LRRC37A2: variants seen among roughly 807,000 people sequenced by gnomAD.
The protein encoded by LRRC37A2 is leucine rich repeat containing 37 member A2.
LRRC37A2 carries 9 observed loss-of-function variants against 68.8 expected under a neutral mutation model. That is an observed-to-expected ratio of 0.13 (90% confidence interval 0.08 to 0.23). The LOEUF (loss-of-function observed/expected upper bound fraction) is 0.23, where lower values mean the gene tolerates loss of function less well. Among genes scored for constraint, LRRC37A2 ranks in the 10% least tolerant of loss-of-function variants. LRRC37A2 has a pLI of 1.00. For synonymous variants in LRRC37A2, 63 were observed against 367.6 expected, an observed-to-expected ratio of 0.17 and a Z score of 9.48; for missense variants, 168 against 950.4, an observed-to-expected ratio of 0.18 and a Z score of 10.82.
At chr17:46,496,619 AAC>A in the LRRC37A2 span, among the ~76,000 whole-genome samples, 2 of 87,826 alleles carry the variant, frequency 2.3e-5, no homozygotes, top group African/African-American at 3.6e-5. Flanking sequence ...AAAAAAAAAA[AAC>A]AAAACAAAAC....
chr17:46,807,067 C>T, the LRRC37A2 span, among the ~76,000 whole-genome samples: 3 of 152,114 alleles, frequency 2.0e-5, no homozygotes, highest in African/African-American at 7.2e-5. Flanking sequence ...GAGAGACAGT[C>T]CCTAGAGGAA....
chr17:46,778,242 C>T, the LRRC37A2 span, among the ~76,000 whole-genome samples: 2 of 152,200 alleles, frequency 1.3e-5, no homozygotes, highest in Admixed American at 6.5e-5. Flanking sequence ...CTATCCAACA[C>T]TGGAAAGGAT....
chr17:46,662,139 A>G, the LRRC37A2 span, among the ~76,000 whole-genome samples: 10 of 12,148 alleles, frequency 8.2e-4, no homozygotes, highest in South Asian at 2.5e-3. Flanking sequence ...CACCGTGCCT[A>G]GCCTTTTGTA....
chr17:47,018,558 C>T, the LRRC37A2 span: 3 of 1,520,164 alleles, frequency 2.0e-6, no homozygotes, highest in East Asian at 4.5e-5. Flanking sequence ...CACCATCCAG[C>T]ACGGGGGCCC....
chr17:46,990,002 G>T, the LRRC37A2 span, among the ~76,000 whole-genome samples: 6 of 152,198 alleles, frequency 3.9e-5, no homozygotes, highest in South Asian at 1.2e-3. Flanking sequence ...CCGTTTTGGG[G>T]TTGTTACACC....
At chr17:46,856,702 T>C in the LRRC37A2 span, among the ~76,000 whole-genome samples, 1 of 150,808 alleles carries the variant, frequency 6.6e-6, no homozygotes, top group African/African-American at 2.5e-5. Context: ...CAAGCAGGTC[T>C]CAAACTCCTG....
the LRRC37A2 span, among the ~76,000 whole-genome samples, chr17:46,819,157 C>T: frequency 6.6e-6 from 1 of 152,146 alleles, no homozygotes; most frequent in Non-Finnish European, 1.5e-5. This position sits in a 1 kb window ranked among gnomAD's most constrained non-coding sequence, Gnocchi z 5.3. Context: ...AAGCCCCGCT[C>T]GGGCAGGTCA....
At chr17:46,541,605 A>G (rs2055333700) in intron 8 of LRRC37A2, among the ~76,000 whole-genome samples, 2 of 150,858 alleles carry the variant, frequency 1.3e-5, no homozygotes, top group Non-Finnish European at 2.9e-5. Flanking sequence ...TGTTGCACCT[A>G]TCACTACAGC....
chr17:46,895,054 G>A, the LRRC37A2 span, among the ~76,000 whole-genome samples: 15 of 152,316 alleles, frequency 9.8e-5, no homozygotes, highest in Admixed American at 7.8e-4. Context: ...CAGACAGGCT[G>A]GATCCCACCT....
chr17:46,532,227 A>C (rs1489721259), intron 6 of LRRC37A2, among the ~76,000 whole-genome samples: 2 of 148,406 alleles, frequency 1.3e-5, no homozygotes, highest in Non-Finnish European at 3.0e-5. Context: ...CACTCAAAAA[A>C]ACAACAATTG....
chr17:46,784,914 T>C, the LRRC37A2 span, among the ~76,000 whole-genome samples: 2 of 152,066 alleles, frequency 1.3e-5, no homozygotes, highest in Admixed American at 6.5e-5. Flanking sequence ...TAGCTGGGAC[T>C]ACAGGCACCC....
chr17:46,833,480 C>T, the LRRC37A2 span: 1 of 480,786 alleles, frequency 2.1e-6, no homozygotes, highest in Non-Finnish European at 4.1e-6. Flanking sequence ...CCCACCCCGA[C>T]TCCCCATCTG....
At chr17:46,931,038 CA>C in the LRRC37A2 span, 1 of 911,558 alleles carries the variant, frequency 1.1e-6, no homozygotes, top group Non-Finnish European at 1.8e-6. Context: ...TGTGATTTAT[CA>C]TTGTAATTTA....
the LRRC37A2 span, among the ~76,000 whole-genome samples, chr17:46,770,626 C>A: frequency 6.6e-6 from 1 of 152,184 alleles, no homozygotes; most frequent in Admixed American, 6.5e-5. Context: ...TCCTAGAGCC[C>A]CTCACCAGGA....
the LRRC37A2 span, among the ~76,000 whole-genome samples, chr17:46,902,698 A>C: frequency 6.6e-6 from 1 of 152,128 alleles, no homozygotes; most frequent in Non-Finnish European, 1.5e-5. Context: ...AACACAAAAC[A>C]TTTAGATCTT....
At chr17:47,005,432 A>C in the LRRC37A2 span, among the ~76,000 whole-genome samples, 1 of 152,168 alleles carries the variant, frequency 6.6e-6, no homozygotes, top group South Asian at 2.1e-4. Flanking sequence ...TGTAAAAGGA[A>C]GGCAGTGATA....
chr17:46,931,456 G>A, the LRRC37A2 span: 2 of 542,024 alleles, frequency 3.7e-6, no homozygotes, highest in Non-Finnish European at 6.5e-6. Flanking sequence ...TTGAAATTTT[G>A]CCTCCAGTTC....
chr17:46,679,093 A>G, the LRRC37A2 span, among the ~76,000 whole-genome samples: 3 of 152,086 alleles, frequency 2.0e-5, no homozygotes, highest in South Asian at 2.1e-4. Context: ...TTAACAACAC[A>G]TGCTTGGGTG....
chr17:46,831,715 G>C, the LRRC37A2 span, among the ~76,000 whole-genome samples: 1 of 152,244 alleles, frequency 6.6e-6, no homozygotes, highest in Admixed American at 6.5e-5. Context: ...AAGAGCCACA[G>C]AGGAGGGGAC....
Sources: gnomAD v4.1 joint callset for allele counts (sites outside exome capture counted in the v4.1 genomes callset) on GRCh38, gnomAD v4.1.1 for gene constraint, Gnocchi (gnomAD v3.1) non-coding constraint, MANE v1.5 for transcripts, NCBI Gene and HGNC (gene_info 2026-07-23, HGNC 2026-07-21) for gene names.